The following CYTH2 variants were observed in gnomAD, a reference collection of about 807,000 sequenced individuals.
CYTH2 encodes cytohesin 2.
CYTH2 carries 24 observed loss-of-function variants against 55.4 expected under a neutral mutation model. The observed-to-expected ratio is 0.43, with a 90% CI of 0.31 to 0.61. The LOEUF (loss-of-function observed/expected upper bound fraction) is 0.61. CYTH2 is among the 20% of genes least tolerant of loss of function. The pLI is 0.08. For synonymous variants in CYTH2, 221 were observed against 209.6 expected (o/e 1.05, Z -0.47); for missense variants, 378 against 533.5 (o/e 0.71, Z 2.87).
At chr19:48,471,447 T>C (rs74963118) in intron 3 of CYTH2, among the ~76,000 whole-genome samples, 17,413 of 152,200 alleles carry the variant, frequency 0.11, 2,723 homozygotes, top group African/African-American at 0.35. Context: ...CCACCGTGCC[T>C]GGCCTGTTCA....
intron 1 of CYTH2, chr19:48,469,932 C>T (rs1429216224): frequency 5.4e-6 from 3 of 559,954 alleles, no homozygotes; most frequent in Non-Finnish European, 1.1e-5. Flanking sequence ...GAGCTGTCAT[C>T]AGTTCCCCCG....
intron 11 of CYTH2, among the ~76,000 whole-genome samples, chr19:48,478,834 CGG>C (rs1971990015): frequency 1.1e-5 from 1 of 91,446 alleles, no homozygotes; most frequent in African/African-American, 4.1e-5. Context: ...CTGGGTCTGA[CGG>C]AGGAGGGGCC....
In CYTH2 at chr19:48,479,426, G is replaced by A. The variant is rs921859862; in HGVS notation, c.*216G>A. 3.4e-5 allele frequency: 19 copies of A among 563,654 alleles called. No individual in the cohort carries two copies. The highest frequency in any genetic ancestry group is 1.7e-4 in the South Asian group (8 of 46,450). 34.9% of individuals were successfully genotyped at this position (563,654 alleles called of 1,614,324 possible). Reference sequence around the variant, plus strand: ...CTCATTTCTTGGGGTTGACAGAGTCGAGGTGCTCCGTGGAGCCAGCCTGTT... The same window carrying A: ...CTCATTTCTTGGGGTTGACAGAGTCAAGGTGCTCCGTGGAGCCAGCCTGTT... On this transcript the variant is annotated 3_prime_UTR_variant, in exon 12 of 12. Coordinates refer to ENST00000452733, the MANE Select transcript of CYTH2 (RefSeq NM_004228.7).
At chr19:48,473,406 C>A in intron 5 of CYTH2, 28 bp downstream of exon 5, 4 of 1,608,852 alleles carry the variant, frequency 2.5e-6, no homozygotes, top group Non-Finnish European at 3.4e-6. Flanking sequence ...GTTTGGAACG[C>A]CAGGAATGTA....
rs1971735000 is a variant in CYTH2 at position 48,469,413 on chromosome 19, C to T, written c.-95C>T. On this transcript the variant is annotated 5_prime_UTR_variant, in exon 1 of 12. Transcript: ENST00000452733. Reference sequence around the variant, plus strand: ...GAGGAGGCGGCGGTGGCTCCCGGGGCGTTTGAGCGGGCTCACCCGAGCCCG... The same window carrying T: ...GAGGAGGCGGCGGTGGCTCCCGGGGTGTTTGAGCGGGCTCACCCGAGCCCG... 5 of 1,274,366 alleles carry T rather than the reference C, an allele frequency of 3.9e-6. No individual in the cohort carries two copies. The highest frequency in any genetic ancestry group is 5.0e-6 in the Non-Finnish European group (5 of 995,210). The allele number at this position is 1,274,366 out of a possible 1,614,324, so 78.9% of individuals were successfully genotyped here. A position where few individuals can be genotyped will look rare whatever the true frequency, so the allele number is the denominator to read the frequency against.
At position 48,478,844 on chromosome 19, in the gene CYTH2, GC is replaced by G. The variant is rs1207301306; in HGVS notation, c.1112+254del. Among the ~76,000 whole-genome samples, 26 of 146,132 alleles carry G rather than the reference GC, an allele frequency of 1.8e-4. 1 individual carries two copies. Among genetic ancestry groups the G allele is most frequent in the African/African-American group, 5.6e-4 (22 of 39,118 alleles). ...GACCCCTGGGTCTGACGGAGGAGGG[GC>G]CGGGGGCCTGGACTCCTGGGTCTGA... On this transcript the variant is annotated intron_variant, in intron 11 of 11. Transcript: ENST00000452733.
intron 1 of CYTH2, 63 bp from the exon 2 acceptor site, chr19:48,470,290 A>T: frequency 6.5e-7 from 1 of 1,541,110 alleles, no homozygotes; most frequent in South Asian, 1.2e-5. Context: ...CCGCCCCCAG[A>T]TTGCAGGAAT....
intron 3 of CYTH2, among the ~76,000 whole-genome samples, chr19:48,471,459 A>G (rs952138123): frequency 3.3e-5 from 5 of 152,128 alleles, no homozygotes; most frequent in Non-Finnish European, 5.9e-5. Context: ...GCCTGTTCAC[A>G]TACTCATTTA....
chr19:48,480,628 C>G lies in CYTH2; in HGVS notation c.*1418C>G, dbSNP rs1399456248. 6.6e-6 allele frequency: 1 copy of G among 152,176 alleles called. No homozygotes were observed. The highest frequency in any genetic ancestry group is 1.5e-5 in the Non-Finnish European group (1 of 68,038). 9.4% of individuals were successfully genotyped at this position (152,176 alleles called of 1,614,324 possible). A position where few individuals can be genotyped will look rare whatever the true frequency, so the allele number is the denominator to read the frequency against. On this transcript the variant is annotated 3_prime_UTR_variant, in exon 12 of 12. Transcript: ENST00000452733. Reference sequence around the variant, plus strand: ...CCGTGGCGGCGTTTGTCTTCTTTTTCTTAGTCAGATCCCGTACTTTTGTGG... The same window carrying G: ...CCGTGGCGGCGTTTGTCTTCTTTTTGTTAGTCAGATCCCGTACTTTTGTGG...
intron 5 of CYTH2, 57 bp downstream of exon 5, chr19:48,473,435 G>T (rs1971844454): frequency 1.3e-6 from 2 of 1,557,514 alleles, no homozygotes; most frequent in African/African-American, 1.4e-5. Context: ...GGCCTTCCTA[G>T]TTACAAGTGA....
At chr19:48,471,215 G>A (rs2147503372) in intron 3 of CYTH2, among the ~76,000 whole-genome samples, 1 of 142,220 alleles carries the variant, frequency 7.0e-6, no homozygotes, top group South Asian at 2.1e-4. Context: ...AGGCTGGAGT[G>A]CAGCGATGTG....
rs1972008842 is a variant in CYTH2 at position 48,479,419 on chromosome 19, C to CA, written c.*210dup. On this transcript the variant is annotated 3_prime_UTR_variant, in exon 12 of 12. Transcript: ENST00000452733. Reference sequence around the variant, plus strand: ...TGACCCCCTCATTTCTTGGGGTTGACAGAGTCGAGGTGCTCCGTGGAGCCA... The same window carrying CA: ...TGACCCCCTCATTTCTTGGGGTTGACAAGAGTCGAGGTGCTCCGTGGAGCCA... 7 of 569,940 alleles carry CA rather than the reference C, an allele frequency of 1.2e-5. 1 individual carries two copies. The South Asian group carries it at 1.5e-4, about 12-fold the overall frequency. 35.3% of individuals were successfully genotyped at this position (569,940 alleles called of 1,614,324 possible). A position where few individuals can be genotyped will look rare whatever the true frequency, so the allele number is the denominator to read the frequency against.
intron 11 of CYTH2, 104 bp downstream of exon 11, chr19:48,478,696 G>A (rs2147513752): frequency 1.4e-6 from 1 of 706,802 alleles, no homozygotes; most frequent in Middle Eastern, 4.3e-4. Flanking sequence ...TGATGGAGGA[G>A]GGGCTGGGGC....
Position 48,472,419 on chromosome 19 carries a change from C to T in CYTH2, c.329C>T (p.Ala110Val). The change falls in exon 4 of 12, where the codon GCC becomes GTC. Residue 110 changes from alanine to valine, a missense_variant. Ala to Val is a moderately conservative substitution (Grantham distance 64). Coordinates refer to ENST00000452733, the MANE Select transcript of CYTH2 (RefSeq NM_004228.7). Reference sequence around the variant, plus strand: ...AAGGGCGAGGGGCTGAACAAGACAGCCATCGGGGACTACCTGGGGGAGAGG... The same window carrying T: ...AAGGGCGAGGGGCTGAACAAGACAGTCATCGGGGACTACCTGGGGGAGAGG... The part of the protein sequence containing the change: ...LYKGEGLNKT[A>V]IGDYLGEREE... 2 of 1,613,688 alleles carry T rather than the reference C, an allele frequency of 1.2e-6. No individual in the cohort carries two copies. Among genetic ancestry groups the T allele is most frequent in the Admixed American group, 1.7e-5 (1 of 60,018 alleles).
chr19:48,475,172 C>A, intron 8 of CYTH2: 1 of 527,332 alleles, frequency 1.9e-6, no homozygotes, highest in Non-Finnish European at 3.3e-6. Flanking sequence ...TCTCTTGACC[C>A]ACAAATGTTG....
rs756859499 is a variant in CYTH2 at position 48,473,468 on chromosome 19, CAG to C, written c.434+92_434+93del. The C allele has an allele frequency of 1.2e-5, 16 of 1,370,894 alleles. No individual in the cohort carries two copies. The Admixed American group carries it at 1.6e-4, about 14-fold the overall frequency. 84.9% of individuals were successfully genotyped at this position (1,370,894 alleles called of 1,614,324 possible). On this transcript the variant is annotated intron_variant, in intron 5 of 11. Coordinates refer to ENST00000452733, the MANE Select transcript of CYTH2 (RefSeq NM_004228.7). ...TGACAAACCTTACTCAAGAAAAAAA[CAG>C]AAACAAGCAAAACAGAAACAAAAAC... is the stretch of plus-strand genomic sequence containing the variant.
intron 3 of CYTH2, among the ~76,000 whole-genome samples, chr19:48,471,462 C>A (rs1971792485): frequency 6.6e-6 from 1 of 152,176 alleles, no homozygotes; most frequent in Admixed American, 6.5e-5. Flanking sequence ...TGTTCACATA[C>A]TCATTTAACA....
rs1972027098 is a variant in CYTH2, at chr19:48,480,451, A to C, written c.*1241A>C. The C allele has an allele frequency of 6.6e-6, 1 of 152,148 alleles. No individual in the cohort carries two copies. Among genetic ancestry groups the C allele is most frequent in the Non-Finnish European group, 1.5e-5 (1 of 68,020 alleles). 9.4% of individuals were successfully genotyped at this position (152,148 alleles called of 1,614,324 possible). On this transcript the variant is annotated 3_prime_UTR_variant, in exon 12 of 12. Transcript: ENST00000452733. ...TTTGATCCCTGTCCCGCCCTTGGCC[A>C]CAGGCACCTGCCGGCCTGAAGGCCC...
At position 48,479,252 on chromosome 19, in the gene CYTH2, G is replaced by T. The variant is rs371251069; in HGVS notation, c.*42G>T. On this transcript the variant is annotated 3_prime_UTR_variant, in exon 12 of 12. Coordinates refer to ENST00000452733, the MANE Select transcript of CYTH2 (RefSeq NM_004228.7). ...CCATTATTTATTACGGAGCTGCCCCGCCTGGGTGGCCGGACCCCTGGGCCT... is the reference window on the plus strand; with the variant it reads ...CCATTATTTATTACGGAGCTGCCCCTCCTGGGTGGCCGGACCCCTGGGCCT... 29 of 1,606,830 alleles carry T rather than the reference G, an allele frequency of 1.8e-5. No individual in the cohort carries two copies. Among genetic ancestry groups the T allele is most frequent in the South Asian group, 1.4e-4 (13 of 90,928 alleles).
Sources: gnomAD v4.1 joint callset for allele counts (sites outside exome capture counted in the v4.1 genomes callset) on GRCh38, gnomAD v4.1.1 for gene constraint, MANE v1.5 for transcripts, NCBI Gene and HGNC (gene_info 2026-07-23, HGNC 2026-07-21) for gene names.